PCSK6: variants seen among roughly 807,000 people sequenced by gnomAD.
PCSK6 encodes proprotein convertase subtilisin/kexin type 6, also known as paired basic amino acid cleaving enzyme 4.
A neutral mutation model predicts 123.3 loss-of-function variants in PCSK6; 85 were observed. The observed-to-expected ratio is 0.69, with a 90% CI of 0.58 to 0.83. PCSK6 has a LOEUF of 0.83. Among genes scored for constraint, PCSK6 ranks in the 40% least tolerant of loss-of-function variants. The pLI is 0.00. For missense variants in PCSK6, 1,191 were observed against 1,282.3 expected (o/e 0.93, Z 1.09); for synonymous variants, 508 against 516.0 (o/e 0.98, Z 0.21).
At chr15:101,477,123 G>A (rs1395115898) in intron 1 of PCSK6, among the ~76,000 whole-genome samples, 2 of 152,174 alleles carry the variant, frequency 1.3e-5, no homozygotes, top group Admixed American at 6.5e-5. Context: ...GGCCAGCTAC[G>A]CCAAGGTACA....
Position 101,393,404 on chromosome 15 carries a change from G to A in PCSK6, c.1017C>T (p.Ser339=), listed in dbSNP as rs780998260. 6.2e-7 allele frequency: 1 copy of A among 1,603,456 alleles called. No homozygotes were observed. Among genetic ancestry groups the A allele is most frequent in the East Asian group, 2.2e-5 (1 of 44,820 alleles). ...GIKKGRQGLG[S]IFVWASGNGG... ...CATTCCCAGATGCCCAGACGAAAAT[G>A]GAGCCCAGGCCCTGCCGGCCCTGGA... The change falls in exon 8 of 22, where the codon TCC becomes TCT. Residue 339 remains serine, a synonymous_variant. Coordinates refer to ENST00000611716, the MANE Select transcript of PCSK6 (RefSeq NM_002570.5).
chr15:101,475,783 G>A, intron 1 of PCSK6, among the ~76,000 whole-genome samples: 1 of 151,656 alleles, frequency 6.6e-6, no homozygotes, highest in Non-Finnish European at 1.5e-5. Flanking sequence ...GAGCCACTGT[G>A]CTGGCCAAGC....
At position 101,365,091 on chromosome 15, in the gene PCSK6, T is replaced by C. The variant is rs1567167234; in HGVS notation, c.1858+1105A>G. ...TTTCAGCAAGTGGTGCTGGAACAAATGGGTACAAAAGAATGAGTTTGGACC... is the reference window on the plus strand; with the variant it reads ...TTTCAGCAAGTGGTGCTGGAACAAACGGGTACAAAAGAATGAGTTTGGACC... On this transcript the variant is annotated intron_variant, in intron 13 of 21. Coordinates refer to ENST00000611716, the MANE Select transcript of PCSK6 (RefSeq NM_002570.5). 4.1e-6 allele frequency: 3 copies of C among 736,740 alleles called. No homozygotes were observed. In the African/African-American group the frequency reaches 5.1e-5, roughly 13 times the overall value. 45.6% of individuals were successfully genotyped at this position (736,740 alleles called of 1,614,324 possible).
At chr15:101,431,565 A>G (rs2056448550) in intron 3 of PCSK6, 102 bp from the exon 4 acceptor site, 2 of 1,417,814 alleles carry the variant, frequency 1.4e-6, no homozygotes, top group Non-Finnish European at 9.8e-7. Context: ...GCTTGCAAGT[A>G]AAAAAGGAGG....
At chr15:101,311,142 T>C (rs548221940) in intron 20 of PCSK6, among the ~76,000 whole-genome samples, 2 of 152,134 alleles carry the variant, frequency 1.3e-5, no homozygotes, top group Admixed American at 1.3e-4. Flanking sequence ...GATGGAGTCT[T>C]GCTCTGTCGC....
rs755275226 is a variant in PCSK6, at chr15:101,329,894, T to G, written c.2077+1757A>C. Among the ~76,000 whole-genome samples the G allele has an allele frequency of 6.6e-5, 10 of 152,274 alleles. No individual in the cohort carries two copies. In the South Asian group the frequency reaches 1.0e-3, roughly 16 times the overall value. On this transcript the variant is annotated intron_variant, in intron 15 of 21. Coordinates refer to ENST00000611716, the MANE Select transcript of PCSK6 (RefSeq NM_002570.5). ...CTGCCCCCATCCTCGCTGGTTTCAT[T>G]ATCTGCCAGCTCCCTAAGCCCACGG...
rs531926224 is a variant in PCSK6, at chr15:101,399,851, G to A, written c.824-1275C>T. Among the ~76,000 whole-genome samples, 8 of 152,180 alleles carry A rather than the reference G, an allele frequency of 5.3e-5. No homozygotes were observed. In the East Asian group the frequency reaches 1.4e-3, roughly 26 times the overall value. ...AGGCCCCCGGGAGCCCCTCACCCAC[G>A]GGGCCCAGCTCTGTGTGTGCGATGA... On this transcript the variant is annotated intron_variant, in intron 6 of 21. Coordinates refer to ENST00000611716, the MANE Select transcript of PCSK6 (RefSeq NM_002570.5).
At chr15:101,484,699 G>T (rs2057977798) in intron 1 of PCSK6, among the ~76,000 whole-genome samples, 1 of 152,164 alleles carries the variant, frequency 6.6e-6, no homozygotes, top group Non-Finnish European at 1.5e-5. Context: ...CCTGCTTTGT[G>T]TGTTTCTTAA....
chr15:101,332,030 C>T lies in PCSK6; in HGVS notation c.1860G>A (p.Gly620=), dbSNP rs768427029. The change falls in exon 14 of 22, where the codon GGG becomes GGA. Residue 620 remains glycine (G), a splice_region_variant and synonymous_variant. Coordinates refer to ENST00000611716, the MANE Select transcript of PCSK6 (RefSeq NM_002570.5). ...GTATGAGGCTCCATTCTTTCAACTTCCCTGGAAGGCACCAAACCCACAGAG... is the reference window on the plus strand; with the variant it reads ...GTATGAGGCTCCATTCTTTCAACTTTCCTGGAAGGCACCAAACCCACAGAG... ...PSQVRNPEKQ[G]KLKEWSLILY... The T allele has an allele frequency of 2.5e-6, 4 of 1,587,742 alleles. No homozygotes were observed. The African/African-American group carries it at 5.4e-5, about 21-fold the overall frequency.
rs572968496 is a variant in PCSK6, at chr15:101,352,677, T to TA, written c.1858+13518dup. Among the ~76,000 whole-genome samples the TA allele has an allele frequency of 3.3e-5, 5 of 152,336 alleles. No individual in the cohort carries two copies. The South Asian group carries it at 1.0e-3, about 32-fold the overall frequency. On this transcript the variant is annotated intron_variant, in intron 13 of 21. Coordinates refer to ENST00000611716, the MANE Select transcript of PCSK6 (RefSeq NM_002570.5). ...CAGTGCCAGATCATTTTATTATAGT[T>TA]AAAAAACACAGTTAAACACCTGCAT...
At chr15:101,453,682 C>T (rs563111325) in intron 1 of PCSK6, among the ~76,000 whole-genome samples, 36 of 152,306 alleles carry the variant, frequency 2.4e-4, no homozygotes, top group Admixed American at 2.1e-3. Context: ...GGCAGCCTGT[C>T]GCCTGGAAAG....
intron 15 of PCSK6, 137 bp downstream of exon 15, chr15:101,331,514 G>T: frequency 1.3e-6 from 1 of 743,690 alleles, no homozygotes; most frequent in Non-Finnish European, 2.4e-6. Context: ...GCTGTGAGAT[G>T]GGGGCCTTTG....
chr15:101,428,128 C>T, intron 5 of PCSK6, 148 bp from the exon 6 acceptor site: 4 of 675,012 alleles, frequency 5.9e-6, no homozygotes, highest in South Asian at 1.8e-5. Flanking sequence ...CCTCTCATCA[C>T]CAACCCCACT....
chr15:101,345,510 A>G (rs2040709454), intron 13 of PCSK6, among the ~76,000 whole-genome samples: 1 of 152,250 alleles, frequency 6.6e-6, no homozygotes, highest in Admixed American at 6.5e-5. Context: ...TTATTTTTAA[A>G]AAGTCAAAAG....
chr15:101,464,874 A>G (rs376447624), intron 1 of PCSK6, among the ~76,000 whole-genome samples: 226 of 152,140 alleles, frequency 1.5e-3, no homozygotes, highest in African/African-American at 4.3e-3. Flanking sequence ...CCAGGTTCCC[A>G]CTCTCCACGG....
intron 13 of PCSK6, among the ~76,000 whole-genome samples, chr15:101,352,211 A>G (rs1186165669): frequency 7.3e-6 from 1 of 136,714 alleles, no homozygotes; most frequent in Non-Finnish European, 1.5e-5. Flanking sequence ...GCAGTGGTGC[A>G]ATCTCAGCTC....
intron 11 of PCSK6, among the ~76,000 whole-genome samples, chr15:101,377,180 T>TGA (rs1296375546): frequency 1.3e-5 from 2 of 151,784 alleles, no homozygotes; most frequent in African/African-American, 4.8e-5. Context: ...CTGCCGCAGA[T>TGA]GAGACGCCAG....
chr15:101,390,939 C>T (rs988583409), intron 8 of PCSK6, among the ~76,000 whole-genome samples: 18 of 152,272 alleles, frequency 1.2e-4, no homozygotes, highest in Admixed American at 5.2e-4. Flanking sequence ...CTCCAGTAGC[C>T]GATTTGCCTA....
chr15:101,448,326 CT>C lies in PCSK6; in HGVS notation c.298-4667del, dbSNP rs112336005. Among the ~76,000 whole-genome samples the C allele has an allele frequency of 7.9e-3, 1,207 of 152,264 alleles. 12 individuals carry two copies. Among genetic ancestry groups the C allele is most frequent in the African/African-American group, 0.028 (1,166 of 41,530 alleles). ...CACTGGAAGGAATGAGATCAAAGAA[CT>C]CACAGTGAAGAGAGTTTAATGTAGT... is the stretch of plus-strand genomic sequence containing the variant. On this transcript the variant is annotated intron_variant, in intron 1 of 21. Transcript: ENST00000611716.
Sources: gnomAD v4.1 joint callset for allele counts (sites outside exome capture counted in the v4.1 genomes callset) on GRCh38, gnomAD v4.1.1 for gene constraint, MANE v1.5 for transcripts, NCBI Gene and HGNC (gene_info 2026-07-23, HGNC 2026-07-21) for gene names.